ETV1: variants seen among roughly 807,000 people sequenced by gnomAD.
The protein encoded by ETV1 is ETS variant transcription factor 1.
Under a neutral mutation model 62.3 loss-of-function variants are expected in ETV1, and 27 were observed. That is an observed-to-expected ratio of 0.43 (90% CI 0.32 to 0.60). ETV1 has a LOEUF of 0.60. Ranked by LOEUF, ETV1 falls within the 20% of genes least tolerant of loss-of-function variation. The pLI, the probability that ETV1 is intolerant of heterozygous loss-of-function variation, is 0.06. For synonymous variants in ETV1, 222 were observed against 199.6 expected (o/e 1.11, Z -0.94); for missense variants, 605 against 605.8 (o/e 1.00, Z 0.01).
intron 6 of ETV1, among the ~76,000 whole-genome samples, chr7:13,976,462 C>A (rs1781465213): frequency 6.6e-6 from 1 of 152,062 alleles, no homozygotes; most frequent in African/African-American, 2.4e-5. Flanking sequence ...CTTGCACAAC[C>A]CTCTACGCCT....
rs770376443 is a variant in ETV1, at chr7:13,938,490, T to A, written c.365+627A>T. On this transcript the variant is annotated intron_variant, in intron 7 of 13. Transcript: ENST00000430479. ...GTAGAGACAGCCAACTTTTTCTTTA[T>A]GCAATTAAAGGCCAATATGAAAAGT... Among the ~76,000 whole-genome samples the A allele has an allele frequency of 6.2e-4, 94 of 152,232 alleles. 1 individual carries two copies. Among genetic ancestry groups the A allele is most frequent in the Admixed American group, 4.6e-4 (7 of 15,290 alleles).
At chr7:13,975,478 G>T (rs1456572994) in intron 6 of ETV1, among the ~76,000 whole-genome samples, 1 of 150,910 alleles carries the variant, frequency 6.6e-6, no homozygotes, top group Non-Finnish European at 1.5e-5. Context: ...CAGGAGAATG[G>T]TGTGAACCCG....
At chr7:13,896,743 G>A (rs200223944) in intron 13 of ETV1, among the ~76,000 whole-genome samples, 8 of 115,302 alleles carry the variant, frequency 6.9e-5, no homozygotes, top group South Asian at 3.6e-4. Context: ...AAGAAAGAAA[G>A]GAAAGAAAGA....
chr7:13,981,611 T>TA (rs1390083011), intron 5 of ETV1, among the ~76,000 whole-genome samples: 4 of 151,724 alleles, frequency 2.6e-5, no homozygotes, highest in African/African-American at 9.7e-5. Context: ...CTTGCATGTA[T>TA]AAAACTAAGG....
At chr7:13,912,136 A>G (rs907189136) in intron 9 of ETV1, among the ~76,000 whole-genome samples, 7 of 152,172 alleles carry the variant, frequency 4.6e-5, no homozygotes, top group African/African-American at 1.2e-4. Flanking sequence ...GATTGCGGCT[A>G]TAAAAACAGC....
intron 13 of ETV1, among the ~76,000 whole-genome samples, chr7:13,896,756 G>GAAAGAAAGAAAGA: frequency 8.7e-6 from 1 of 115,472 alleles, no homozygotes. Context: ...AAGAAAGAAA[G>GAAAGAAAGAAAGA]AAAGAAAGAA....
intron 13 of ETV1, 71 bp downstream of exon 13, chr7:13,900,667 G>T: frequency 9.6e-7 from 1 of 1,039,136 alleles, no homozygotes; most frequent in South Asian, 1.5e-5. Flanking sequence ...ATGATATGTG[G>T]CGTTTAAAGT....
At chr7:13,902,649 G>T (rs1782558702) in intron 12 of ETV1, among the ~76,000 whole-genome samples, 1 of 152,000 alleles carries the variant, frequency 6.6e-6, no homozygotes, top group Non-Finnish European at 1.5e-5. Context: ...AAACCTGGAG[G>T]GGATGTGAAA....
intron 6 of ETV1, chr7:13,959,178 C>T (rs989737748): frequency 1.9e-4 from 29 of 152,014 alleles, no homozygotes; most frequent in African/African-American, 7.0e-4. Flanking sequence ...ATTTTATCCT[C>T]CTTACACATC....
rs145007023 is a variant in ETV1 at position 13,914,681 on chromosome 7, C to T, written c.803-3374G>A. ...TCTTGATTTGCATTTTCAAGCTATG[C>T]TGGGAAACATAATATTGATTTGGGA... is the stretch of plus-strand genomic sequence containing the variant. On this transcript the variant is annotated intron_variant, in intron 9 of 13. Coordinates refer to ENST00000430479, the MANE Select transcript of ETV1 (RefSeq NM_004956.5). Among the ~76,000 whole-genome samples, 101 of 150,550 alleles carry T rather than the reference C, an allele frequency of 6.7e-4. 2 individuals carry two copies. The highest frequency in any genetic ancestry group is 2.2e-3 in the African/African-American group (91 of 41,040).
intron 6 of ETV1, among the ~76,000 whole-genome samples, chr7:13,945,686 G>C (rs1384652376): frequency 6.6e-6 from 1 of 151,770 alleles, no homozygotes; most frequent in Non-Finnish European, 1.5e-5. Context: ...GTAGTGTAGA[G>C]ACTCCCATTA....
chr7:13,951,894 G>A (rs1216488080), intron 6 of ETV1, among the ~76,000 whole-genome samples: 1 of 152,070 alleles, frequency 6.6e-6, no homozygotes, highest in Non-Finnish European at 1.5e-5. Flanking sequence ...ACTAGTATTA[G>A]TCCAACCACT....
At chr7:13,911,410 T>C in intron 9 of ETV1, 103 bp from the exon 10 acceptor site, 1 of 739,428 alleles carries the variant, frequency 1.4e-6, no homozygotes, top group South Asian at 1.5e-5. Context: ...CGGACACAGG[T>C]TCCAATGTGG....
At chr7:13,956,629 T>C (rs1361731759) in intron 6 of ETV1, among the ~76,000 whole-genome samples, 3 of 152,232 alleles carry the variant, frequency 2.0e-5, no homozygotes, top group Non-Finnish European at 2.9e-5. Context: ...ACAGGTGTTA[T>C]TGGAAATAGA....
rs545897419 is a variant in ETV1, at chr7:13,956,362, T to A, written c.236-17116A>T. On this transcript the variant is annotated intron_variant, in intron 6 of 13. Transcript: ENST00000430479. The stretch of plus-strand genomic sequence containing the variant: ...GCTCTAGAGTCTCCCTATTACACTA[T>A]TCCAGGAGTGTACCCTTAAGGCTAT... 1.3e-3 allele frequency among the ~76,000 whole-genome samples: 201 copies of A among 152,124 alleles called. 2 individuals carry two copies. The highest frequency in any genetic ancestry group is 2.3e-3 in the Non-Finnish European group (158 of 67,994).
At chr7:13,899,056 G>C (rs369198338) in intron 13 of ETV1, among the ~76,000 whole-genome samples, 1 of 152,222 alleles carries the variant, frequency 6.6e-6, no homozygotes, top group Non-Finnish European at 1.5e-5. Flanking sequence ...ATCTGTTCAA[G>C]AATGTAATCT....
rs76653357 is a variant in ETV1, at chr7:13,934,756, C to T, written c.554+952G>A. Among the ~76,000 whole-genome samples, 309 of 152,248 alleles carry T rather than the reference C, an allele frequency of 2.0e-3. 1 individual carries two copies. Among genetic ancestry groups the T allele is most frequent in the African/African-American group, 6.9e-3 (286 of 41,506 alleles). On this transcript the variant is annotated intron_variant, in intron 8 of 13. Coordinates refer to ENST00000430479, the MANE Select transcript of ETV1 (RefSeq NM_004956.5). ...CGTATGCTAGAAATACTACATTACG[C>T]TGTGCTATTGCATCTTTGCAACTCG...
intron 6 of ETV1, among the ~76,000 whole-genome samples, chr7:13,945,652 T>G (rs1788069620): frequency 6.6e-6 from 1 of 152,202 alleles, no homozygotes; most frequent in Admixed American, 6.5e-5. Flanking sequence ...AAAAATGACT[T>G]CTCTTATTTA....
intron 3 of ETV1, 61 bp from the exon 4 acceptor site, chr7:13,988,234 A>G (rs1391876067): frequency 9.2e-6 from 8 of 872,894 alleles, no homozygotes; most frequent in Non-Finnish European, 1.5e-5. Context: ...ACACACGCAC[A>G]CGCGCGCGCA....
Sources: gnomAD v4.1 joint callset for allele counts (sites outside exome capture counted in the v4.1 genomes callset) on GRCh38, gnomAD v4.1.1 for gene constraint, MANE v1.5 for transcripts, NCBI Gene and HGNC (gene_info 2026-07-23, HGNC 2026-07-21) for gene names.